The following CCNH variants were observed in gnomAD, a reference collection of about 807,000 sequenced individuals.
CCNH encodes the protein cyclin-H.
A neutral mutation model predicts 41.9 loss-of-function variants in CCNH; 31 were observed. The observed-to-expected ratio is 0.74, with a 90% CI of 0.56 to 1.00. The LOEUF is 1.00. CCNH is among the 50% of genes least tolerant of loss of function. The pLI is 0.00. For missense variants in CCNH, 362 were observed against 388.4 expected (o/e 0.93, Z 0.57); for synonymous variants, 138 against 136.1 (o/e 1.01, Z -0.10).
intron 9 of CCNH, among the ~76,000 whole-genome samples, chr5:87,357,697 T>G (rs1759756721): frequency 6.8e-6 from 1 of 146,266 alleles, no homozygotes; most frequent in Non-Finnish European, 1.5e-5. Context: ...AGAACGAGAT[T>G]CCATCTCAAA....
chr5:87,409,582 C>T (rs1764068092), intron 2 of CCNH, among the ~76,000 whole-genome samples: 1 of 151,950 alleles, frequency 6.6e-6, no homozygotes, highest in South Asian at 2.1e-4. Flanking sequence ...TGTCTATCCC[C>T]AGCCTACTCT....
At chr5:87,399,024 G>T (rs1414808503) in intron 7 of CCNH, among the ~76,000 whole-genome samples, 1 of 150,832 alleles carries the variant, frequency 6.6e-6, no homozygotes, top group Non-Finnish European at 1.5e-5. Flanking sequence ...CTAGCTAACA[G>T]AAGTCTGGAA....
At chr5:87,378,887 C>T (rs1328530522), upstream of CCNH, among the ~76,000 whole-genome samples, 2 of 152,094 alleles carry the variant, frequency 1.3e-5, no homozygotes, top group Non-Finnish European at 2.9e-5. Context: ...TGTAGCACTT[C>T]ATTACATCTT....
chr5:87,398,522 G>C (rs1300927522), intron 7 of CCNH, among the ~76,000 whole-genome samples: 2 of 152,108 alleles, frequency 1.3e-5, no homozygotes, highest in African/African-American at 4.8e-5. Flanking sequence ...ATTCCCAACT[G>C]CTTAAACACC....
chr5:87,409,326 T>G lies in CCNH; in HGVS notation c.278A>C (p.Asn93Thr). The G allele has an allele frequency of 6.3e-7, 1 of 1,575,534 alleles. No individual in the cohort carries two copies. The highest frequency in any genetic ancestry group is 1.3e-5 in the African/African-American group (1 of 74,250). The change falls in exon 3 of 9, where the codon AAT becomes ACT. Residue 93 changes from asparagine (N) to threonine (T), a missense_variant. Asn to Thr is a moderately conservative substitution (Grantham distance 65, BLOSUM62 0). Coordinates refer to ENST00000256897, the MANE Select transcript of CCNH (RefSeq NM_001239.4). ...GGGGTGATATTCCATTACTGAGTTA[T>G]TAAGATAAAAACGTTTGAAATACAT... is the stretch of plus-strand genomic sequence containing the variant. ...ACMYFKRFYL[N>T]NSVMEYHPRI... is the part of the protein sequence containing the mutation.
downstream of CCNH, among the ~76,000 whole-genome samples, chr5:87,372,734 CTT>C (rs998920261): frequency 6.6e-6 from 1 of 151,972 alleles, no homozygotes; most frequent in Non-Finnish European, 1.5e-5. Flanking sequence ...CATTTCTTGG[CTT>C]TTTTCTTTTT....
chr5:87,358,325 T>C (rs1307646310), intron 9 of CCNH, among the ~76,000 whole-genome samples: 1 of 152,246 alleles, frequency 6.6e-6, no homozygotes, highest in Non-Finnish European at 1.5e-5. Context: ...CTGTTTTTTA[T>C]ACATATTCAT....
At chr5:87,409,219 T>G in intron 3 of CCNH, 71 bp downstream of exon 3, 1 of 827,366 alleles carries the variant, frequency 1.2e-6, no homozygotes, top group East Asian at 2.6e-5. Context: ...AATTCTCTCC[T>G]CCCAAAAAAT....
intron 9 of CCNH, among the ~76,000 whole-genome samples, chr5:87,322,790 T>C (rs1357883047): frequency 5.9e-5 from 9 of 152,180 alleles, no homozygotes; most frequent in Non-Finnish European, 4.4e-5. Flanking sequence ...TTTAAAAATA[T>C]AGATATATAA....
chr5:87,401,671 A>C (rs780220580), intron 6 of CCNH, 31 bp downstream of exon 6: 2 of 1,348,286 alleles, frequency 1.5e-6, no homozygotes, highest in Non-Finnish European at 2.1e-6. Flanking sequence ...TATTGGAAGA[A>C]ACATTTTGTA....
chr5:87,373,013 T>C (rs1176995551), downstream of CCNH, among the ~76,000 whole-genome samples: 1 of 152,136 alleles, frequency 6.6e-6, no homozygotes, highest in Non-Finnish European at 1.5e-5. Flanking sequence ...TTCATAACAT[T>C]GTAACATTTT....
intron 9 of CCNH, among the ~76,000 whole-genome samples, chr5:87,338,789 T>A (rs894313734): frequency 2.0e-5 from 3 of 151,740 alleles, no homozygotes; most frequent in Non-Finnish European, 4.4e-5. Flanking sequence ...AGATTCTTTA[T>A]CTTTCAAATA....
At chr5:87,390,261 C>T (rs1258032882), downstream of CCNH, among the ~76,000 whole-genome samples, 1 of 152,176 alleles carries the variant, frequency 6.6e-6, no homozygotes, top group Non-Finnish European at 1.5e-5. Context: ...ACCACAGGGA[C>T]AGTTTTGACT....
At chr5:87,349,048 A>G (rs1375163446) in intron 9 of CCNH, among the ~76,000 whole-genome samples, 1 of 151,976 alleles carries the variant, frequency 6.6e-6, no homozygotes, top group Admixed American at 6.6e-5. Flanking sequence ...ATGGTTGTGA[A>G]TCATAAACCA....
intron 9 of CCNH, among the ~76,000 whole-genome samples, chr5:87,355,618 T>A (rs1229168257): frequency 6.6e-6 from 1 of 152,204 alleles, no homozygotes; most frequent in East Asian, 1.9e-4. Context: ...CTGCAGCCCA[T>A]GGATCAAGGA....
Position 87,408,166 on chromosome 5 carries a change from G to A in CCNH, c.335C>T (p.Ala112Val), listed in dbSNP as rs752434893. The A allele has an allele frequency of 1.3e-6, 2 of 1,502,200 alleles. No homozygotes were observed. Among genetic ancestry groups the A allele is most frequent in the South Asian group, 2.3e-5 (2 of 87,524 alleles). The allele number at this position is 1,502,200 out of a possible 1,614,324, so 93.1% of individuals were successfully genotyped here. ...TACATTGAATTCATCTACTTTGCAG[G>A]CCAAAAATGCACAAGTGAGCCTAGA... ...RIIMLTCAFL[A>V]CKVDEFNVSS... is the part of the protein sequence containing the mutation. Residue 112 changes from alanine (A) to valine (V), a missense_variant, in exon 4 of 9, where the codon GCC becomes GTC. Coordinates refer to ENST00000256897, the MANE Select transcript of CCNH (RefSeq NM_001239.4).
chr5:87,382,427 T>G (rs1761785075), intron 9 of CCNH, among the ~76,000 whole-genome samples: 1 of 152,190 alleles, frequency 6.6e-6, no homozygotes, highest in Non-Finnish European at 1.5e-5. Flanking sequence ...CGTAACTCAT[T>G]ATTTTGGGAA....
chr5:87,396,220 T>C (rs1240256968), intron 7 of CCNH, among the ~76,000 whole-genome samples: 2 of 151,046 alleles, frequency 1.3e-5, no homozygotes, highest in Non-Finnish European at 3.0e-5. Context: ...AATACGCCAT[T>C]TTGTATTAGG....
At chr5:87,337,267 G>C (rs1228558473) in intron 9 of CCNH, among the ~76,000 whole-genome samples, 1 of 151,976 alleles carries the variant, frequency 6.6e-6, no homozygotes, top group Admixed American at 6.6e-5. Context: ...AAAACATCTA[G>C]GTTTCAGTAA....
Sources: gnomAD v4.1 joint callset for allele counts (sites outside exome capture counted in the v4.1 genomes callset) on GRCh38, gnomAD v4.1.1 for gene constraint, MANE v1.5 for transcripts, NCBI Gene and HGNC (gene_info 2026-07-23, HGNC 2026-07-21) for gene names.